HUWE1: variants seen among roughly 807,000 people sequenced by gnomAD.
HUWE1 encodes the protein E3 ubiquitin-protein ligase HUWE1.
HUWE1 carries 18 observed loss-of-function variants against 299.4 expected under a neutral mutation model. The ratio of observed to expected loss-of-function variants is 0.06; its 90% CI spans 0.04 to 0.09. The LOEUF is 0.09. HUWE1 is among the 10% of genes least tolerant of loss of function. The probability of loss-of-function intolerance (pLI) is 1.00; values close to 1 mark genes in which losing one functional copy is unlikely to be tolerated. For missense variants in HUWE1, 1,832 were observed against 3,462.3 expected (o/e 0.53, Z 11.82); for synonymous variants, 1,317 against 1,286.1 (o/e 1.02, Z -0.51).
chrX:53,650,357 AGAAACTTTCC>A (rs2149314134), intron 4 of HUWE1, among the ~76,000 whole-genome samples: 1 of 112,067 alleles, frequency 8.9e-6, no homozygotes, highest in East Asian at 2.8e-4. Context: ...TGGGGCCACT[AGAAACTTTCC>A]TAATGTGAAA....
At position 53,538,412 on chromosome X, in the gene HUWE1, G is replaced by A. The variant is rs2061162323; in HGVS notation, c.11921C>T (p.Thr3974Met). 5.8e-6 allele frequency: 7 copies of A among 1,208,230 alleles called. No homozygotes were observed. The highest frequency in any genetic ancestry group is 1.7e-5 in the African/African-American group (1 of 57,695). Residue 3974 changes from threonine (T) to methionine (M), a missense_variant, in exon 77 of 84, where the codon ACG becomes ATG. Physicochemically the swap from Thr to Met is moderately conservative, Grantham distance 81. Transcript: ENST00000262854. ...AAAAGGCCCATCAGCAAGGTGGGTC[G>A]TGGACTGCCGTAGGATCTGGTTTAA... is the stretch of plus-strand genomic sequence containing the variant. ...TVLNQILRQS[T>M]THLADGPFAV...
At chrX:53,622,678 A>C (rs782463727) in intron 19 of HUWE1, among the ~76,000 whole-genome samples, 11 of 111,963 alleles carry the variant, frequency 9.8e-5, no homozygotes, top group Non-Finnish European at 2.1e-4. Context: ...CTGGCATGAA[A>C]CTACCTACTG....
At position 53,551,073 on chromosome X, in the gene HUWE1, A is replaced by G. The variant is rs112038748; in HGVS notation, c.9213T>C (p.Arg3071=). 2.1e-4 allele frequency: 252 copies of G among 1,209,753 alleles called. 1 individual carries two copies. In the African/African-American group the frequency reaches 2.9e-3, roughly 14 times the overall value. The change falls in exon 65 of 84, where the codon CGT becomes CGC. Residue 3071 remains arginine (R), a synonymous_variant. Coordinates refer to ENST00000262854, the MANE Select transcript of HUWE1 (RefSeq NM_031407.7). ...TGTCCTCCATATCCTCTAGGACACT[A>G]CGGCGCAGGTCTGAGGGCAGAGTCT... ...FIQTLPSDLR[R]SVLEDMEDSV...
At position 53,536,470 on chromosome X, in the gene HUWE1, C is replaced by T; in HGVS notation, c.12335G>A (p.Arg4112His). Residue 4112 changes from arginine to histidine, a missense_variant, in exon 79 of 84, where the codon CGC (arginine) becomes CAC (histidine). This residue lies in a region of HUWE1 where 129 missense variants were observed against 439.4 expected (regional missense o/e 0.29). Transcript: ENST00000262854. Reference protein sequence around the residue: ...NHLSYFKFVGRIVAKAVYDNR... With the variant: ...NHLSYFKFVGHIVAKAVYDNR... ...GTCATATACAGCTTTGGCCACAATGCGTCCGACAAACTTGAAGTAGCTGAG... is the reference window on the plus strand; with the variant it reads ...GTCATATACAGCTTTGGCCACAATGTGTCCGACAAACTTGAAGTAGCTGAG... The T allele has an allele frequency of 8.3e-7, 1 of 1,210,621 alleles. No homozygotes were observed. The highest frequency in any genetic ancestry group is 1.1e-6 in the Non-Finnish European group (1 of 894,755).
intron 60 of HUWE1, chrX:53,556,332 G>A (rs374841743): frequency 5.8e-6 from 2 of 345,196 alleles, no homozygotes; most frequent in South Asian, 2.6e-5. Flanking sequence ...CCTGGCATGA[G>A]CAGAATCCTC....
Position 53,544,676 on chromosome X carries a change from A to G in HUWE1, c.11135T>C (p.Met3712Thr). The G allele has an allele frequency of 8.3e-7, 1 of 1,208,639 alleles. No individual in the cohort carries two copies. Among genetic ancestry groups the G allele is most frequent in the Non-Finnish European group, 1.1e-6 (1 of 893,421 alleles). The change falls in exon 72 of 84, where the codon ATG becomes ACG. Residue 3712 changes from methionine (M) to threonine (T), a missense_variant. Transcript: ENST00000262854. ...GRELQLPSMS[M>T]LTSKTSTQKF... Reference sequence around the variant, plus strand: ...CTGGGTAGATGTCTTGGATGTCAACATGGACATAGAAGGCAGCTGGAGCTC... The same window carrying G: ...CTGGGTAGATGTCTTGGATGTCAACGTGGACATAGAAGGCAGCTGGAGCTC...
chrX:53,656,191 C>T (rs1056317321), intron 3 of HUWE1, among the ~76,000 whole-genome samples: 3 of 108,743 alleles, frequency 2.8e-5, no homozygotes, highest in Non-Finnish European at 5.7e-5. Context: ...CTGGCTAACA[C>T]GGTAAAACCC....
intron 62 of HUWE1, 62 bp downstream of exon 62, chrX:53,552,576 T>G: frequency 8.3e-7 from 1 of 1,207,448 alleles, no homozygotes; most frequent in South Asian, 1.8e-5. Context: ...TTGACGAGTA[T>G]GAAATGTGCT....
At chrX:53,635,687 T>C (rs782302422) in intron 7 of HUWE1, among the ~76,000 whole-genome samples, 4 of 111,678 alleles carry the variant, frequency 3.6e-5, no homozygotes, top group Non-Finnish European at 7.5e-5. Flanking sequence ...ATGTCTTCAT[T>C]TTATTCCTGT....
chrX:53,544,842 C>A, intron 71 of HUWE1, 80 bp from the exon 72 acceptor site: 1 of 960,713 alleles, frequency 1.0e-6, no homozygotes, highest in South Asian at 1.9e-5. Context: ...TTCCTGGTGT[C>A]AACCAGAGGG....
At chrX:53,656,504 T>C (rs1345064392) in intron 3 of HUWE1, among the ~76,000 whole-genome samples, 1 of 94,241 alleles carries the variant, frequency 1.1e-5, no homozygotes, top group Non-Finnish European at 2.0e-5. Context: ...ATAGTGCCAC[T>C]GCACTCCAGC....
chrX:53,588,361 C>T, intron 37 of HUWE1, 21 bp downstream of exon 37: 2 of 1,197,787 alleles, frequency 1.7e-6, no homozygotes, highest in South Asian at 3.6e-5. Context: ...AATTACAAGG[C>T]CCCAAAGATC....
chrX:53,574,960 T>C lies in HUWE1; in HGVS notation c.6097+195A>G, dbSNP rs1010233775. 2.7e-5 allele frequency among the ~76,000 whole-genome samples: 3 copies of C among 112,609 alleles called. No individual in the cohort carries two copies. In the Admixed American group the frequency reaches 2.8e-4, roughly 11 times the overall value. ...AGCAACCATTACTAGGTTGGTTAAC[T>C]TACAGTTCCATTAACTTTAGCATAT... On this transcript the variant is annotated intron_variant, in intron 46 of 83. Transcript: ENST00000262854.
chrX:53,569,919 C>T, intron 47 of HUWE1, 92 bp from the exon 48 acceptor site: 1 of 751,127 alleles, frequency 1.3e-6, no homozygotes, highest in South Asian at 2.3e-5. Flanking sequence ...CATAGTATTT[C>T]CTTAAGTCAC....
rs1467041920 is a variant in HUWE1, at chrX:53,627,397, A to G, written c.1489+13T>C. The G allele has an allele frequency of 7.1e-6, 7 of 990,371 alleles. No homozygotes were observed. In the Admixed American group the frequency reaches 1.3e-4, roughly 19 times the overall value. 81.6% of individuals were successfully genotyped at this position (990,371 alleles called of 1,213,427 possible). ...TCAAGCACAAAAATACTGACTTAAT[A>G]ACTGTTAATTACCATCCATATCAGT... is the stretch of plus-strand genomic sequence containing the variant. On this transcript the variant is annotated intron_variant, in intron 17 of 83. Transcript: ENST00000262854.
Position 53,569,832 on chromosome X carries a change from A to G in HUWE1, c.6313-5T>C. The G allele has an allele frequency of 2.5e-6, 3 of 1,199,436 alleles. No individual in the cohort carries two copies. The highest frequency in any genetic ancestry group is 3.4e-6 in the Non-Finnish European group (3 of 884,128). On this transcript the variant is annotated splice_region_variant and splice_polypyrimidine_tract_variant and intron_variant, in intron 47 of 83. Transcript: ENST00000262854. Reference sequence around the variant, plus strand: ...AAAAGCTAGCACACTGCAGTCCTGAAAAGTCATGAATCACGACATTTACTT... The same window carrying G: ...AAAAGCTAGCACACTGCAGTCCTGAGAAGTCATGAATCACGACATTTACTT...
At chrX:53,603,334 A>G (rs782564419) in intron 27 of HUWE1, 34 bp downstream of exon 27, 2 of 1,198,206 alleles carry the variant, frequency 1.7e-6, no homozygotes, top group South Asian at 1.8e-5. Context: ...GAACTTAGAT[A>G]ACAAAGTAAT....
chrX:53,583,927 G>T lies in HUWE1; in HGVS notation c.5162-11C>A, dbSNP rs1556970574. The stretch of plus-strand genomic sequence containing the variant: ...GGGCCAAAGGGGTATCTATAAAATG[G>T]GAAAATAACAGTTTTAGACAGTTTA... On this transcript the variant is annotated splice_polypyrimidine_tract_variant and intron_variant, in intron 41 of 83. Transcript: ENST00000262854. The T allele has an allele frequency of 8.8e-7, 1 of 1,142,639 alleles. No individual in the cohort carries two copies. Among genetic ancestry groups the T allele is most frequent in the East Asian group, 3.0e-5 (1 of 33,594 alleles). 94.2% of individuals were successfully genotyped at this position (1,142,639 alleles called of 1,213,427 possible).
chrX:53,621,036 A>G lies in HUWE1; in HGVS notation c.1672+3559T>C, dbSNP rs113699940. The stretch of plus-strand genomic sequence containing the variant: ...CATACACAACTGTATGGTTCTTCCA[A>G]AGAGGAAAGAAAAATCTTAAGTTAG... On this transcript the variant is annotated intron_variant, in intron 19 of 83. Coordinates refer to ENST00000262854, the MANE Select transcript of HUWE1 (RefSeq NM_031407.7). Among the ~76,000 whole-genome samples, 439 of 111,931 alleles carry G rather than the reference A, an allele frequency of 3.9e-3. 2 individuals carry two copies. The highest frequency in any genetic ancestry group is 0.014 in the African/African-American group (427 of 30,783).
Sources: allele counts gnomAD v4.1 joint callset (sites outside exome capture counted in the v4.1 genomes callset), GRCh38; gene constraint gnomAD v4.1.1; regional missense constraint gnomAD v4.1.1; transcripts MANE v1.5; gene names NCBI Gene and HGNC (gene_info 2026-07-23, HGNC 2026-07-21).